DPP6: variants seen among roughly 807,000 people sequenced by gnomAD.
DPP6 encodes dipeptidyl peptidase like 6, also known as A-type potassium channel modulatory protein DPP6.
Under a neutral mutation model 122.6 loss-of-function variants are expected in DPP6, and 69 were observed. The observed-to-expected ratio is 0.56, with a 90% CI of 0.46 to 0.69. The LOEUF (loss-of-function observed/expected upper bound fraction) is 0.69, where lower values mean the gene tolerates loss of function less well. Ranked by LOEUF, DPP6 falls within the 30% of genes least tolerant of loss-of-function variation. DPP6 has a pLI of 0.00. For missense variants in DPP6, 928 were observed against 1,116.9 expected (o/e 0.83, Z 2.41); for synonymous variants, 418 against 433.1 (o/e 0.97, Z 0.43).
chr7:153,756,495 G>A, the DPP6 span, among the ~76,000 whole-genome samples: 1 of 152,160 alleles, frequency 6.6e-6, no homozygotes. Flanking sequence ...GGCCACATCT[G>A]ATAGACACTT....
At chr7:154,886,883 T>G (rs975890158) in intron 22 of DPP6, among the ~76,000 whole-genome samples, 64 of 152,348 alleles carry the variant, frequency 4.2e-4, no homozygotes, top group Non-Finnish European at 2.4e-4. Flanking sequence ...CTCACTCCAG[T>G]GCAAATTTTA....
chr7:153,871,740 C>A, the DPP6 span, among the ~76,000 whole-genome samples: 5 of 152,326 alleles, frequency 3.3e-5, no homozygotes, highest in Admixed American at 2.0e-4. Context: ...CCTTCTGCGT[C>A]GCTCACGCTG....
At chr7:154,594,769 A>G (rs1832994167) in intron 5 of DPP6, among the ~76,000 whole-genome samples, 3 of 152,144 alleles carry the variant, frequency 2.0e-5, no homozygotes, top group Admixed American at 2.0e-4. Flanking sequence ...GGACTAATGC[A>G]TTTGGATGGA....
rs1179907203 is a variant in DPP6 at position 154,889,150 on chromosome 7, T to C, written c.2305-122T>C. Reference sequence around the variant, plus strand: ...CTTTGCAGATATAAGGCATCCCGGTTCTCCGGGAACTTAGTGTTTTCAATA... The same window carrying C: ...CTTTGCAGATATAAGGCATCCCGGTCCTCCGGGAACTTAGTGTTTTCAATA... On this transcript the variant is annotated intron_variant, in intron 23 of 25. Transcript: ENST00000377770. 4.4e-5 allele frequency: 63 copies of C among 1,419,992 alleles called. 1 individual carries two copies. The East Asian group carries it at 1.5e-3, about 33-fold the overall frequency. 88.0% of individuals were successfully genotyped at this position (1,419,992 alleles called of 1,614,324 possible).
At chr7:154,857,450 G>A (rs1802937174) in intron 17 of DPP6, among the ~76,000 whole-genome samples, 2 of 152,182 alleles carry the variant, frequency 1.3e-5, no homozygotes, top group Non-Finnish European at 2.9e-5. Flanking sequence ...GCCTGGTAAA[G>A]TGCCAAACCC....
At chr7:154,464,205 T>C (rs1252632872) in intron 2 of DPP6, among the ~76,000 whole-genome samples, 1 of 152,158 alleles carries the variant, frequency 6.6e-6, no homozygotes, top group Non-Finnish European at 1.5e-5. Context: ...TTGACTGAGT[T>C]CTGCCTAGCG....
chr7:154,143,699 C>T (rs1360495661), intron 1 of DPP6, among the ~76,000 whole-genome samples: 1 of 151,304 alleles, frequency 6.6e-6, no homozygotes, highest in Non-Finnish European at 1.5e-5. Flanking sequence ...ATTCTGTAAC[C>T]TGCTGCTTTG....
the DPP6 span, among the ~76,000 whole-genome samples, chr7:153,862,059 G>A: frequency 2.6e-5 from 4 of 152,340 alleles, no homozygotes; most frequent in African/African-American, 7.2e-5. Context: ...ACATGTGGAA[G>A]ATGAGAGCCT....
At chr7:154,387,486 A>G (rs1290961439) in intron 1 of DPP6, among the ~76,000 whole-genome samples, 2 of 152,248 alleles carry the variant, frequency 1.3e-5, no homozygotes, top group Non-Finnish European at 2.9e-5. Flanking sequence ...CTGAAAGAGC[A>G]GGAGCCCAGC....
intron 10 of DPP6, among the ~76,000 whole-genome samples, chr7:154,774,073 T>A (rs1224715266): frequency 6.6e-6 from 1 of 152,164 alleles, no homozygotes; most frequent in Non-Finnish European, 1.5e-5. Context: ...AGCCCAGTGC[T>A]CTAGGAAGCG....
At chr7:154,114,817 T>G (rs916826588) in intron 1 of DPP6, among the ~76,000 whole-genome samples, 42 of 151,990 alleles carry the variant, frequency 2.8e-4, no homozygotes, top group African/African-American at 9.9e-4. Context: ...CAGAATGTCC[T>G]CCCTGATTTA....
chr7:154,610,710 TGTGTGTGTGTGTGTGTGTG>T (rs1833859381), intron 5 of DPP6, among the ~76,000 whole-genome samples: 1 of 1,730 alleles, frequency 5.8e-4, no homozygotes, highest in African/African-American at 8.1e-4. Flanking sequence ...TTGTTCTCTG[TGTGTGTGTGTGTGTGTGTG>T]TGTGTGTGTG....
chr7:154,148,484 G>A (rs2150678949), intron 1 of DPP6, among the ~76,000 whole-genome samples: 1 of 149,480 alleles, frequency 6.7e-6, no homozygotes, highest in Non-Finnish European at 1.5e-5. Context: ...AGTCCCACCT[G>A]CCTCTTCTGG....
chr7:153,953,973 G>A (rs1298091016), intron 1 of DPP6, among the ~76,000 whole-genome samples: 1 of 152,196 alleles, frequency 6.6e-6, no homozygotes, highest in East Asian at 1.9e-4. Context: ...CTTCCCAGAA[G>A]TCCTCAGTTT....
intron 21 of DPP6, chr7:154,884,155 TAC>T (rs1224837934): frequency 2.2e-5 from 2 of 92,110 alleles, no homozygotes; most frequent in Admixed American, 1.1e-4. Context: ...CACATGCTCA[TAC>T]ACGTTTACCC....
At chr7:154,071,590 G>A (rs1585311696) in intron 1 of DPP6, among the ~76,000 whole-genome samples, 1 of 151,662 alleles carries the variant, frequency 6.6e-6, no homozygotes, top group Admixed American at 6.6e-5. Flanking sequence ...CGATAAGCCA[G>A]TTGTACCCAT....
At chr7:154,665,433 A>G (rs549983263) in intron 6 of DPP6, among the ~76,000 whole-genome samples, 2 of 152,200 alleles carry the variant, frequency 1.3e-5, no homozygotes, top group African/African-American at 4.8e-5. Context: ...CTGTTCTAGT[A>G]TGAGTCATTA....
intron 9 of DPP6, among the ~76,000 whole-genome samples, chr7:154,771,707 C>A (rs1796260208): frequency 6.6e-6 from 1 of 152,206 alleles, no homozygotes. Context: ...TTCCTTTCTG[C>A]CTTTTCCAAT....
chr7:154,401,401 C>T (rs894899912), intron 1 of DPP6, among the ~76,000 whole-genome samples: 2 of 150,966 alleles, frequency 1.3e-5, no homozygotes, highest in African/African-American at 2.4e-5. Flanking sequence ...AGTACAACCC[C>T]AAATTATTGA....
Sources: gnomAD v4.1 joint callset for allele counts (sites outside exome capture counted in the v4.1 genomes callset) on GRCh38, gnomAD v4.1.1 for gene constraint, MANE v1.5 for transcripts, NCBI Gene and HGNC (gene_info 2026-07-23, HGNC 2026-07-21) for gene names.